The following FOXP2 variants were observed in gnomAD, a reference collection of about 807,000 sequenced individuals.
The protein encoded by FOXP2 is forkhead box P2, also known as forkhead box protein P2.
Under a neutral mutation model 115.8 loss-of-function variants are expected in FOXP2, and 12 were observed. That is an observed-to-expected ratio of 0.10 (90% CI 0.07 to 0.17). The LOEUF is 0.17. Among genes scored for constraint, FOXP2 ranks in the 10% least tolerant of loss-of-function variants. FOXP2 has a pLI of 1.00. For synonymous variants in FOXP2, 328 were observed against 297.7 expected (o/e 1.10, Z -1.05); for missense variants, 629 against 843.5 (o/e 0.75, Z 3.15).
intron 1 of FOXP2, among the ~76,000 whole-genome samples, chr7:114,192,021 T>G (rs1793772402): frequency 6.6e-6 from 1 of 152,136 alleles, no homozygotes; most frequent in African/African-American, 2.4e-5. Flanking sequence ...TACTGTAACC[T>G]CCACCTCCTT....
intron 1 of FOXP2, among the ~76,000 whole-genome samples, chr7:114,118,313 C>A (rs899026462): frequency 1.3e-5 from 2 of 152,012 alleles, no homozygotes; most frequent in Non-Finnish European, 2.9e-5. Context: ...AATTTGTCTT[C>A]ATTAGAGCAT....
At chr7:114,184,281 C>A (rs1387174237) in intron 1 of FOXP2, among the ~76,000 whole-genome samples, 1 of 152,066 alleles carries the variant, frequency 6.6e-6, no homozygotes, top group Non-Finnish European at 1.5e-5. Flanking sequence ...TATTTCTTTC[C>A]TATTATAATA....
At chr7:114,558,962 TTAAA>T (rs1800609077) in intron 3 of FOXP2, among the ~76,000 whole-genome samples, 1 of 152,174 alleles carries the variant, frequency 6.6e-6, no homozygotes, top group Non-Finnish European at 1.5e-5. Context: ...GTTTTGTCTA[TTAAA>T]TAATTATTAT....
intron 1 of FOXP2, among the ~76,000 whole-genome samples, chr7:114,103,354 C>T (rs1584480609): frequency 6.6e-6 from 1 of 152,024 alleles, no homozygotes; most frequent in Non-Finnish European, 1.5e-5. Context: ...TCTTCTGTGT[C>T]TTTGGGTAAA....
rs751526834 is a variant in FOXP2 at position 114,692,405 on chromosome 7, C to T, written c.*2479C>T. On this transcript the variant is annotated 3_prime_UTR_variant, in exon 17 of 17. Coordinates refer to ENST00000350908, the MANE Select transcript of FOXP2 (RefSeq NM_014491.4). ...AGAAAAACCTCCAAAACTGCAATTG[C>T]TTTGAAAATAGATTTTAGGTTTTTT... 2.2e-6 allele frequency: 1 copy of T among 450,818 alleles called. No homozygotes were observed. Among genetic ancestry groups the T allele is most frequent in the African/African-American group, 2.0e-5 (1 of 49,648 alleles). 27.9% of individuals were successfully genotyped at this position (450,818 alleles called of 1,614,324 possible).
intron 1 of FOXP2, among the ~76,000 whole-genome samples, chr7:114,139,727 G>A (rs1166978295): frequency 6.6e-6 from 1 of 151,964 alleles, no homozygotes; most frequent in Non-Finnish European, 1.5e-5. Context: ...GTTGTTGTTA[G>A]CCTGCCTTTA....
At chr7:114,497,031 A>T (rs1018084397) in intron 2 of FOXP2, among the ~76,000 whole-genome samples, 1 of 152,178 alleles carries the variant, frequency 6.6e-6, no homozygotes, top group African/African-American at 2.4e-5. Context: ...AATACCTTGG[A>T]ATCTAGCAGA....
chr7:114,634,365 A>G (rs1688061103), intron 6 of FOXP2, among the ~76,000 whole-genome samples: 1 of 152,122 alleles, frequency 6.6e-6, no homozygotes, highest in Non-Finnish European at 1.5e-5. Context: ...TTAGAGTTAC[A>G]GCTTCTTAAA....
intron 1 of FOXP2, among the ~76,000 whole-genome samples, chr7:114,195,338 G>C (rs886779270): frequency 6.6e-6 from 1 of 152,050 alleles, no homozygotes; most frequent in Non-Finnish European, 1.5e-5. Flanking sequence ...TCTTATATAT[G>C]TATATATTCT....
At chr7:114,168,662 A>C (rs1793048304) in intron 1 of FOXP2, among the ~76,000 whole-genome samples, 1 of 152,186 alleles carries the variant, frequency 6.6e-6, no homozygotes. Flanking sequence ...CTGAGGAGAA[A>C]TTCAAGCCTA....
chr7:114,534,772 C>G, intron 3 of FOXP2, 66 bp downstream of exon 3: 1 of 1,224,018 alleles, frequency 8.2e-7, no homozygotes, highest in East Asian at 2.3e-5. Flanking sequence ...AACAGATGTG[C>G]AGACCCACTT....
At chr7:114,511,499 G>A (rs1012544470) in intron 2 of FOXP2, among the ~76,000 whole-genome samples, 2 of 152,146 alleles carry the variant, frequency 1.3e-5, no homozygotes, top group African/African-American at 2.4e-5. Context: ...TGAGCATTGG[G>A]GGAAGGAATA....
At chr7:114,324,699 A>G (rs114153049) in intron 2 of FOXP2, among the ~76,000 whole-genome samples, 3 of 151,886 alleles carry the variant, frequency 2.0e-5, no homozygotes, top group African/African-American at 7.2e-5. Flanking sequence ...TGGTATTATT[A>G]TATCATCATT....
chr7:114,221,595 T>C (rs1210085640), intron 1 of FOXP2, among the ~76,000 whole-genome samples: 2 of 152,044 alleles, frequency 1.3e-5, no homozygotes, highest in Admixed American at 1.3e-4. Context: ...ACATTCTCTT[T>C]GATGTCCTCC....
chr7:114,317,936 T>G (rs534987484), intron 2 of FOXP2, among the ~76,000 whole-genome samples: 4 of 152,244 alleles, frequency 2.6e-5, no homozygotes, highest in African/African-American at 7.2e-5. Flanking sequence ...ACTGGGTTGC[T>G]CTTCCTCCAT....
At chr7:114,190,312 A>G (rs1455321091) in intron 1 of FOXP2, among the ~76,000 whole-genome samples, 4 of 152,146 alleles carry the variant, frequency 2.6e-5, no homozygotes, top group Non-Finnish European at 5.9e-5. Flanking sequence ...TTCACCGTGG[A>G]GGGTGGGCAC....
chr7:114,159,570 G>C (rs1472617973), upstream of FOXP2, among the ~76,000 whole-genome samples: 1 of 151,940 alleles, frequency 6.6e-6, no homozygotes, highest in Non-Finnish European at 1.5e-5. Flanking sequence ...TGATACTTTG[G>C]ATGAATGTGT....
rs767617095 is a variant in FOXP2 at position 114,690,862 on chromosome 7, C to G, written c.*936C>G. On this transcript the variant is annotated 3_prime_UTR_variant, in exon 17 of 17. Transcript: ENST00000350908. ...AGGAACCTTTTCCATGAACTACCTG[C>G]TGTTTTCTGATGACCTCTGGGATCT... 8.8e-6 allele frequency: 4 copies of G among 454,376 alleles called. No individual in the cohort carries two copies. The highest frequency in any genetic ancestry group is 6.2e-5 in the South Asian group (4 of 64,480). The allele number at this position is 454,376 out of a possible 1,614,324, so 28.1% of individuals were successfully genotyped here.
At chr7:114,389,016 A>G (rs543331039) in intron 2 of FOXP2, among the ~76,000 whole-genome samples, 1 of 152,332 alleles carries the variant, frequency 6.6e-6, no homozygotes, top group Non-Finnish European at 1.5e-5. Flanking sequence ...ATAGAATGCT[A>G]CAGTAATTAT....
Sources: gnomAD v4.1 joint callset for allele counts (sites outside exome capture counted in the v4.1 genomes callset) on GRCh38, gnomAD v4.1.1 for gene constraint, MANE v1.5 for transcripts, NCBI Gene and HGNC (gene_info 2026-07-23, HGNC 2026-07-21) for gene names.